The following DCC variants were observed in gnomAD, a reference collection of about 807,000 sequenced individuals.
The protein encoded by DCC is DCC netrin 1 receptor, also known as netrin receptor DCC.
A neutral mutation model predicts 172.5 loss-of-function variants in DCC; 58 were observed. The observed-to-expected ratio is 0.34, with a 90% CI of 0.27 to 0.42. The LOEUF (loss-of-function observed/expected upper bound fraction) is 0.42. Among genes scored for constraint, DCC ranks in the 10% least tolerant of loss-of-function variants. DCC has a pLI of 1.00. For missense variants in DCC, 1,740 were observed against 1,791.0 expected, an observed-to-expected ratio of 0.97 and a Z score of 0.51; for synonymous variants, 709 against 644.5, an observed-to-expected ratio of 1.10 and a Z score of -1.52.
At chr18:52,916,111 G>A (rs2040035078) in intron 3 of DCC, among the ~76,000 whole-genome samples, 1 of 151,960 alleles carries the variant, frequency 6.6e-6, no homozygotes, top group Non-Finnish European at 1.5e-5. Flanking sequence ...TTCCACATGT[G>A]TCAACATAGG....
intron 1 of DCC, among the ~76,000 whole-genome samples, chr18:52,605,034 T>C (rs911768516): frequency 4.0e-5 from 6 of 150,584 alleles, no homozygotes; most frequent in Non-Finnish European, 7.4e-5. Flanking sequence ...TCTAAAAAAA[T>C]GGAATTTGAG....
intron 10 of DCC, 71 bp from the exon 11 acceptor site, chr18:53,207,608 T>A (rs2055673476): frequency 7.2e-7 from 1 of 1,391,646 alleles, no homozygotes; most frequent in African/African-American, 1.4e-5. Flanking sequence ...ATTCACTGAT[T>A]GCACAGAATG....
chr18:53,088,334 T>G (rs1214747976), intron 7 of DCC, among the ~76,000 whole-genome samples: 1 of 152,192 alleles, frequency 6.6e-6, no homozygotes, highest in Non-Finnish European at 1.5e-5. Flanking sequence ...TTGTAAGTTG[T>G]ATTCCTAGGT....
chr18:53,126,505 CT>C (rs2043559391), intron 7 of DCC, among the ~76,000 whole-genome samples: 1 of 151,784 alleles, frequency 6.6e-6, no homozygotes, highest in African/African-American at 2.4e-5. Flanking sequence ...TTAGTATTAT[CT>C]TTTTGGGCTT....
chr18:53,367,488 A>AT (rs1316107693), intron 15 of DCC, among the ~76,000 whole-genome samples: 3 of 152,076 alleles, frequency 2.0e-5, no homozygotes, highest in Admixed American at 6.6e-5. Context: ...CATAGATATC[A>AT]TTTTTTTCCA....
intron 1 of DCC, among the ~76,000 whole-genome samples, chr18:52,378,762 G>C (rs1217651306): frequency 1.3e-5 from 2 of 151,992 alleles, no homozygotes; most frequent in African/African-American, 2.4e-5. Flanking sequence ...AGCCCAGACT[G>C]TTCTGGAACT....
intron 15 of DCC, among the ~76,000 whole-genome samples, chr18:53,357,420 G>T: frequency 6.6e-6 from 1 of 152,014 alleles, no homozygotes; most frequent in Non-Finnish European, 1.5e-5. Flanking sequence ...ATCCCTTCAT[G>T]CATGGAATAC....
intron 1 of DCC, among the ~76,000 whole-genome samples, chr18:52,723,330 C>A (rs2036500965): frequency 6.6e-6 from 1 of 152,100 alleles, no homozygotes; most frequent in African/African-American, 2.4e-5. Context: ...AACACAAAAA[C>A]CATTCAGACG....
chr18:53,433,169 C>T (rs928849252), intron 21 of DCC, among the ~76,000 whole-genome samples: 5 of 151,986 alleles, frequency 3.3e-5, no homozygotes, highest in East Asian at 1.9e-4. Flanking sequence ...TCTAGAGTTC[C>T]TTTATCTCAC....
At chr18:52,838,498 G>A (rs1187782196) in intron 2 of DCC, among the ~76,000 whole-genome samples, 2 of 152,094 alleles carry the variant, frequency 1.3e-5, no homozygotes, top group Admixed American at 6.5e-5. Context: ...AGATGCCGGG[G>A]TGTGGTGGGG....
intron 23 of DCC, among the ~76,000 whole-genome samples, chr18:53,456,759 C>T (rs529716105): frequency 7.9e-5 from 12 of 152,304 alleles, no homozygotes; most frequent in African/African-American, 2.9e-4. Flanking sequence ...CACCTGAATA[C>T]ACATTTCGAA....
chr18:52,355,928 T>A lies in DCC; in HGVS notation c.91+15050T>A, dbSNP rs866634305. ...ATAGGACCTGACCCTATGTGGACAC[T>A]GTTCTTTACATGTTCAGGCTCTGGA... On this transcript the variant is annotated intron_variant, in intron 1 of 28. Transcript: ENST00000442544. Among the ~76,000 whole-genome samples the A allele has an allele frequency of 2.6e-5, 4 of 152,212 alleles. No homozygotes were observed. The South Asian group carries it at 8.3e-4, about 32-fold the overall frequency.
intron 13 of DCC, among the ~76,000 whole-genome samples, chr18:53,307,862 G>C (rs1343285518): frequency 1.5e-5 from 2 of 137,024 alleles, no homozygotes; most frequent in East Asian, 4.3e-4. Context: ...GACAGAAAAT[G>C]TCCATAACCC....
At chr18:53,426,423 TTA>T (rs200303122) in intron 21 of DCC, among the ~76,000 whole-genome samples, 159 of 111,640 alleles carry the variant, frequency 1.4e-3, no homozygotes, top group Non-Finnish European at 3.1e-3. Flanking sequence ...TGATATATAT[TTA>T]TATATTTATA....
intron 5 of DCC, among the ~76,000 whole-genome samples, chr18:52,988,947 C>A (rs2041338243): frequency 6.6e-6 from 1 of 151,284 alleles, no homozygotes; most frequent in Non-Finnish European, 1.5e-5. Context: ...AGCGATATCC[C>A]TTTATCATTA....
chr18:53,375,901 A>C (rs1438612645), intron 15 of DCC, among the ~76,000 whole-genome samples: 1 of 152,140 alleles, frequency 6.6e-6, no homozygotes, highest in Non-Finnish European at 1.5e-5. Context: ...ATAATGGCTC[A>C]GAGGAAAACT....
intron 11 of DCC, among the ~76,000 whole-genome samples, chr18:53,212,666 GTTTTTT>G (rs1317502294): frequency 1.6e-4 from 20 of 123,130 alleles, no homozygotes; most frequent in Non-Finnish European, 2.4e-4. Flanking sequence ...TTCAATTCTT[GTTTTTT>G]TTTTTTCTTT....
chr18:52,864,911 C>T (rs1370067817), intron 2 of DCC, among the ~76,000 whole-genome samples: 1 of 151,888 alleles, frequency 6.6e-6, no homozygotes, highest in South Asian at 2.1e-4. Flanking sequence ...TGTGGCCCAG[C>T]CTGGAGTGCA....
At chr18:53,497,779 G>T (rs924279118) in intron 26 of DCC, among the ~76,000 whole-genome samples, 1 of 152,142 alleles carries the variant, frequency 6.6e-6, no homozygotes, top group African/African-American at 2.4e-5. Flanking sequence ...TTTACTTGCA[G>T]CCCTACACTT....
Sources: gnomAD v4.1 joint callset for allele counts (sites outside exome capture counted in the v4.1 genomes callset) on GRCh38, gnomAD v4.1.1 for gene constraint, MANE v1.5 for transcripts, NCBI Gene and HGNC (gene_info 2026-07-23, HGNC 2026-07-21) for gene names.